SCRT2: variants seen among roughly 807,000 people sequenced by gnomAD.
SCRT2 encodes transcriptional repressor scratch 2.
SCRT2 carries 2 observed loss-of-function variants against 3.7 expected under a neutral mutation model. That is an observed-to-expected ratio of 0.54 (90% CI 0.22 to 1.70). SCRT2 has a LOEUF of 1.70. Ranked by LOEUF, SCRT2 falls within the 40% of genes most tolerant of loss-of-function variation. SCRT2 has a pLI of 0.19. For missense variants in SCRT2, 456 were observed against 468.5 expected (o/e 0.97, Z 0.25); for synonymous variants, 256 against 220.6 (o/e 1.16, Z -1.42).
chr20:666,812 G>A lies in SCRT2; in HGVS notation c.134-2351C>T, dbSNP rs1984169334. On this transcript the variant is annotated intron_variant, in intron 1 of 1. Coordinates refer to ENST00000246104, the MANE Select transcript of SCRT2 (RefSeq NM_033129.4). The surrounding 1 kb of genome is among the most constrained non-coding windows in gnomAD (Gnocchi z 4.4). ...GTCCTGTTCACCTGGTCTCAGGGCA[G>A]GTCTGCATCTCATGTGTCTGGGGCC... is the stretch of plus-strand genomic sequence containing the variant. 6.6e-6 allele frequency among the ~76,000 whole-genome samples: 1 copy of A among 152,242 alleles called. No homozygotes were observed. The highest frequency in any genetic ancestry group is 1.5e-5 in the Non-Finnish European group (1 of 68,038).
In SCRT2 at chr20:675,479, G is replaced by A. The variant is rs1253248439; in HGVS notation, c.123C>T (p.Pro41=). The change falls in exon 1 of 2, where the codon CCC becomes CCT. Residue 41 remains proline, a synonymous_variant. Transcript: ENST00000246104. This position sits in a 1 kb window ranked among gnomAD's most constrained non-coding sequence, Gnocchi z 6.9. ...AYVLPGARGP[P]GDNGYAPHRL... is the part of the protein sequence containing the mutation. ...CCGGGTCCCACTCACCGTTGTCCCC[G>A]GGAGGCCCCCGGGCGCCAGGCAGCA... 3 of 1,347,900 alleles carry A rather than the reference G, an allele frequency of 2.2e-6. No homozygotes were observed. The African/African-American group carries it at 4.5e-5, about 20-fold the overall frequency. 83.5% of individuals were successfully genotyped at this position (1,347,900 alleles called of 1,614,324 possible). A position where few individuals can be genotyped will look rare whatever the true frequency, so the allele number is the denominator to read the frequency against.
rs568928632 is a variant in SCRT2 at position 664,362 on chromosome 20, G to A, written c.233C>T (p.Pro78Leu). The A allele has an allele frequency of 2.1e-6, 3 of 1,451,682 alleles. No homozygotes were observed. The highest frequency in any genetic ancestry group is 2.8e-5 in the South Asian group (2 of 72,582). 89.9% of individuals were successfully genotyped at this position (1,451,682 alleles called of 1,614,324 possible). A position where few individuals can be genotyped will look rare whatever the true frequency, so the allele number is the denominator to read the frequency against. The change falls in exon 2 of 2, where the codon CCG becomes CTG. Residue 78 changes from proline to leucine, a missense_variant. Coordinates refer to ENST00000246104, the MANE Select transcript of SCRT2 (RefSeq NM_033129.4). This position sits in a 1 kb window ranked among gnomAD's most constrained non-coding sequence, Gnocchi z 7.9. ...GCTTTCGGGGTCGCTGTACTCCTCC[G>A]GCGCCGCCGGCGGGTACGCGGGCTC... The part of the protein sequence containing the change: ...PAEPAYPPAA[P>L]EEYSDPESPQ...
chr20:673,135 G>T (rs921357803), intron 1 of SCRT2, among the ~76,000 whole-genome samples: 4 of 152,206 alleles, frequency 2.6e-5, no homozygotes, highest in African/African-American at 9.7e-5. Context: ...CCAGGCCAGG[G>T]TGCCTGTCCT....
intron 1 of SCRT2, among the ~76,000 whole-genome samples, chr20:670,968 C>G (rs75999443): frequency 6.6e-6 from 1 of 152,120 alleles, no homozygotes; most frequent in Non-Finnish European, 1.5e-5. Context: ...AGATCATATT[C>G]AACCGTTTGA....
chr20:667,475 C>G lies in SCRT2; in HGVS notation c.134-3014G>C, dbSNP rs1388088820. Among the ~76,000 whole-genome samples, 1 of 152,206 alleles carries G rather than the reference C, an allele frequency of 6.6e-6. No homozygotes were observed. Among genetic ancestry groups the G allele is most frequent in the Non-Finnish European group, 1.5e-5 (1 of 68,038 alleles). ...CACATCGTGCTGCTCCTCTCTGGGC[C>G]TCTGTTTCCTCACCCGGGATGTGTA... is the stretch of plus-strand genomic sequence containing the variant. On this transcript the variant is annotated intron_variant, in intron 1 of 1. Transcript: ENST00000246104. This position sits in a 1 kb window ranked among gnomAD's most constrained non-coding sequence, Gnocchi z 4.4.
At chr20:670,745 C>T (rs1329158798) in intron 1 of SCRT2, among the ~76,000 whole-genome samples, 1 of 152,130 alleles carries the variant, frequency 6.6e-6, no homozygotes, top group Non-Finnish European at 1.5e-5. Flanking sequence ...TACTCTCTGG[C>T]CCTCCTTCAG....
Position 675,578 on chromosome 20 carries a change from C to T in SCRT2, c.24G>A (p.Lys8=), listed in dbSNP as rs1984509815. Residue 8 remains lysine (K), a synonymous_variant, in exon 1 of 2, where the codon AAG becomes AAA. Coordinates refer to ENST00000246104, the MANE Select transcript of SCRT2 (RefSeq NM_033129.4). This position sits in a 1 kb window ranked among gnomAD's most constrained non-coding sequence, Gnocchi z 6.9. ...ACTGGAAGCCGTCCCCTTTGATCTT[C>T]TTTACCAGGAAGGAGCGCGGCATGG... is the stretch of plus-strand genomic sequence containing the variant. MPRSFLV[K]KIKGDGFQCS... The T allele has an allele frequency of 7.5e-7, 1 of 1,338,668 alleles. No homozygotes were observed. Among genetic ancestry groups the T allele is most frequent in the Non-Finnish European group, 9.6e-7 (1 of 1,039,482 alleles). The allele number at this position is 1,338,668 out of a possible 1,614,324, so 82.9% of individuals were successfully genotyped here. A position where few individuals can be genotyped will look rare whatever the true frequency, so the allele number is the denominator to read the frequency against.
chr20:663,058 G>A lies in SCRT2; in HGVS notation c.*613C>T, dbSNP rs1984012103. The A allele has an allele frequency of 6.5e-6, 1 of 152,742 alleles. No homozygotes were observed. Among genetic ancestry groups the A allele is most frequent in the Non-Finnish European group, 1.5e-5 (1 of 68,494 alleles). The allele number at this position is 152,742 out of a possible 1,614,324, so 9.5% of individuals were successfully genotyped here. On this transcript the variant is annotated 3_prime_UTR_variant, in exon 2 of 2. Coordinates refer to ENST00000246104, the MANE Select transcript of SCRT2 (RefSeq NM_033129.4). This position sits in a 1 kb window ranked among gnomAD's most constrained non-coding sequence, Gnocchi z 6.9. Reference sequence around the variant, plus strand: ...AGACCTAAGGCCTGAGCATGGATGGGATCAGGGACAGATCGGAGACTTCAA... The same window carrying A: ...AGACCTAAGGCCTGAGCATGGATGGAATCAGGGACAGATCGGAGACTTCAA...
Position 664,381 on chromosome 20 carries a change from C to T in SCRT2, c.214G>A (p.Ala72Thr), listed in dbSNP as rs1007030037. 1 of 1,417,380 alleles carries T rather than the reference C, an allele frequency of 7.1e-7. No individual in the cohort carries two copies. The highest frequency in any genetic ancestry group is 1.5e-5 in the South Asian group (1 of 68,662). 87.8% of individuals were successfully genotyped at this position (1,417,380 alleles called of 1,614,324 possible). ...PGLELAPAEPAYPPAAPEEYS... is the reference protein window; with the variant it reads ...PGLELAPAEPTYPPAAPEEYS... ...TCCTCCGGCGCCGCCGGCGGGTACG[C>T]GGGCTCGGCCGGGGCCAGCTCCAGG... The change falls in exon 2 of 2, where the codon GCG becomes ACG. Residue 72 changes from alanine to threonine, a missense_variant. Physicochemically the swap from Ala to Thr is moderately conservative, Grantham distance 58 (BLOSUM62 0). Coordinates refer to ENST00000246104, the MANE Select transcript of SCRT2 (RefSeq NM_033129.4). This position sits in a 1 kb window ranked among gnomAD's most constrained non-coding sequence, Gnocchi z 7.9.
intron 1 of SCRT2, among the ~76,000 whole-genome samples, chr20:673,876 A>T (rs959643866): frequency 6.6e-6 from 1 of 152,104 alleles, no homozygotes; most frequent in African/African-American, 2.4e-5. Context: ...AGAGATCCAT[A>T]TCCCAAGCTT....
Position 663,833 on chromosome 20 carries a change from G to A in SCRT2, c.762C>T (p.Asn254=). 1.3e-6 allele frequency: 2 copies of A among 1,598,406 alleles called. No homozygotes were observed. Among genetic ancestry groups the A allele is most frequent in the Non-Finnish European group, 1.7e-6 (2 of 1,174,666 alleles). The change falls in exon 2 of 2, where the codon AAC becomes AAT. Residue 254 remains asparagine, a synonymous_variant. Transcript: ENST00000246104. This position sits in a 1 kb window ranked among gnomAD's most constrained non-coding sequence, Gnocchi z 6.9. ...HCGKAFADRS[N]LRAHMQTHSA... ...AGTGCGTCTGCATGTGCGCGCGCAG[G>A]TTGGAGCGGTCGGCGAAGGCCTTGC...
rs1983956356 is a variant in SCRT2, at chr20:661,765, G to C, written c.*1906C>G. On this transcript the variant is annotated 3_prime_UTR_variant, in exon 2 of 2. Transcript: ENST00000246104. ...TTAGCATGCATGGAAAATTATTGCT[G>C]TCAGAAGTTGCTATTTACAGGGTCA... 1 of 152,718 alleles carries C rather than the reference G, an allele frequency of 6.5e-6. No homozygotes were observed. Among genetic ancestry groups the C allele is most frequent in the Non-Finnish European group, 1.5e-5 (1 of 68,060 alleles). The allele number at this position is 152,718 out of a possible 1,614,324, so 9.5% of individuals were successfully genotyped here.
chr20:674,401 A>T (rs745417344), intron 1 of SCRT2, among the ~76,000 whole-genome samples: 627 of 11,906 alleles, frequency 0.053, 2 homozygotes, highest in Non-Finnish European at 0.091. Context: ...TCTCTCTCTC[A>T]CACACACACA....
intron 1 of SCRT2, among the ~76,000 whole-genome samples, chr20:670,412 C>T (rs566511721): frequency 1.3e-5 from 2 of 152,284 alleles, no homozygotes; most frequent in African/African-American, 2.4e-5. Flanking sequence ...TGGCAGTAGA[C>T]GCTTCACTTC....
At position 666,229 on chromosome 20, in the gene SCRT2, C is replaced by A. The variant is rs1025292926; in HGVS notation, c.134-1768G>T. On this transcript the variant is annotated intron_variant, in intron 1 of 1. Coordinates refer to ENST00000246104, the MANE Select transcript of SCRT2 (RefSeq NM_033129.4). The surrounding 1 kb of genome is among the most constrained non-coding windows in gnomAD (Gnocchi z 4.4). ...TTTTAATCTGGGGAGAGGAGATGCC[C>A]AGCCTCTCCGCACCCTATGTCTCCC... Among the ~76,000 whole-genome samples the A allele has an allele frequency of 6.6e-6, 1 of 152,026 alleles. No homozygotes were observed. Among genetic ancestry groups the A allele is most frequent in the African/African-American group, 2.4e-5 (1 of 41,370 alleles).
At chr20:669,855 C>T (rs1191578651) in intron 1 of SCRT2, among the ~76,000 whole-genome samples, 1 of 152,212 alleles carries the variant, frequency 6.6e-6, no homozygotes, top group Non-Finnish European at 1.5e-5. Flanking sequence ...CCAGAAATGA[C>T]ACCCACCTCC....
rs2122348367 is a variant in SCRT2, at chr20:667,709, G to GA, written c.134-3249_134-3248insT. ...GCTGCTCATTTGCCTAGGGAGGGCTGCAGAAGTGTCTTCAGGATAGGAATT... is the reference window on the plus strand; with the variant it reads ...GCTGCTCATTTGCCTAGGGAGGGCTGACAGAAGTGTCTTCAGGATAGGAATT... On this transcript the variant is annotated intron_variant, in intron 1 of 1. Coordinates refer to ENST00000246104, the MANE Select transcript of SCRT2 (RefSeq NM_033129.4). This position sits in a 1 kb window ranked among gnomAD's most constrained non-coding sequence, Gnocchi z 4.4. Among the ~76,000 whole-genome samples the GA allele has an allele frequency of 6.6e-6, 1 of 152,308 alleles. No homozygotes were observed. Among genetic ancestry groups the GA allele is most frequent in the African/African-American group, 2.4e-5 (1 of 41,560 alleles).
chr20:675,342 C>T lies in SCRT2; in HGVS notation c.133+127G>A, dbSNP rs762419322. On this transcript the variant is annotated intron_variant, in intron 1 of 1. Coordinates refer to ENST00000246104, the MANE Select transcript of SCRT2 (RefSeq NM_033129.4). The surrounding 1 kb of genome is among the most constrained non-coding windows in gnomAD (Gnocchi z 6.9). ...CCTTGGAAAGCCCGGGAGGAGCCCA[C>T]GGCCAGAGAGATCTCCTCCCGGGGG... The T allele has an allele frequency of 1.3e-3, 1,103 of 819,942 alleles. 1 individual carries two copies. The highest frequency in any genetic ancestry group is 3.3e-3 in the Middle Eastern group (8 of 2,406). 50.8% of individuals were successfully genotyped at this position (819,942 alleles called of 1,614,324 possible).
Position 663,612 on chromosome 20 carries a change from G to A in SCRT2, c.*59C>T. 1 of 1,303,860 alleles carries A rather than the reference G, an allele frequency of 7.7e-7. No individual in the cohort carries two copies. The highest frequency in any genetic ancestry group is 9.7e-7 in the Non-Finnish European group (1 of 1,028,304). The allele number at this position is 1,303,860 out of a possible 1,614,324, so 80.8% of individuals were successfully genotyped here. On this transcript the variant is annotated 3_prime_UTR_variant, in exon 2 of 2. Transcript: ENST00000246104. The surrounding 1 kb of genome is among the most constrained non-coding windows in gnomAD (Gnocchi z 6.9). Reference sequence around the variant, plus strand: ...GCTGGGCGAGGGCGCTGCGGGCGCAGGTAGGGGGCCCGGGGCGCGTGGAGA... The same window carrying A: ...GCTGGGCGAGGGCGCTGCGGGCGCAAGTAGGGGGCCCGGGGCGCGTGGAGA...
Sources: allele counts gnomAD v4.1 joint callset (sites outside exome capture counted in the v4.1 genomes callset), GRCh38; gene constraint gnomAD v4.1.1; non-coding constraint Gnocchi (gnomAD v3.1); transcripts MANE v1.5; gene names NCBI Gene and HGNC (gene_info 2026-07-23, HGNC 2026-07-21).